NLGN4X: variants seen among roughly 807,000 people sequenced by gnomAD.
NLGN4X encodes neuroligin 4 X-linked, also known as neuroligin-4, X-linked.
In NLGN4X, 3 loss-of-function variants were observed where a neutral mutation model predicts 40.3. The ratio of observed to expected loss-of-function variants is 0.07; its 90% CI spans 0.03 to 0.19. NLGN4X has a LOEUF of 0.19. Ranked by LOEUF, NLGN4X falls within the 10% of genes least tolerant of loss-of-function variation. The pLI is 1.00. For synonymous variants in NLGN4X, 270 were observed against 306.8 expected, an observed-to-expected ratio of 0.88 and a Z score of 1.25; for missense variants, 382 against 708.3, an observed-to-expected ratio of 0.54 and a Z score of 5.23.
At chrX:6,076,602 A>G (rs2038203558) in intron 2 of NLGN4X, among the ~76,000 whole-genome samples, 2 of 112,126 alleles carry the variant, frequency 1.8e-5, no homozygotes, top group South Asian at 7.5e-4. Context: ...GCTGATCAAC[A>G]ATGGGATAAA....
intron 1 of NLGN4X, among the ~76,000 whole-genome samples, chrX:6,152,483 G>A (rs890371218): frequency 7.1e-5 from 8 of 112,068 alleles, no homozygotes; most frequent in Non-Finnish European, 1.1e-4. Context: ...TTCCTAAGGA[G>A]ACATGCATGG....
intron 2 of NLGN4X, among the ~76,000 whole-genome samples, chrX:6,039,159 G>T (rs953319655): frequency 9.0e-6 from 1 of 111,139 alleles, no homozygotes; most frequent in Admixed American, 9.6e-5. Flanking sequence ...TTTTTCAAAA[G>T]AAAAAATATA....
intron 2 of NLGN4X, among the ~76,000 whole-genome samples, chrX:6,067,112 C>CG (rs745577316): frequency 3.7e-5 from 4 of 109,314 alleles, no homozygotes; most frequent in African/African-American, 1.3e-4. Flanking sequence ...CAGTCCCCCC[C>CG]CCAAAACAAA....
At chrX:6,094,804 C>CT (rs771561812) in intron 2 of NLGN4X, among the ~76,000 whole-genome samples, 1 of 111,027 alleles carries the variant, frequency 9.0e-6, no homozygotes, top group Admixed American at 9.6e-5. Flanking sequence ...GGACTTGAGC[C>CT]ACAGAAATAC....
At chrX:5,901,047 C>T (rs1449213772) in intron 5 of NLGN4X, among the ~76,000 whole-genome samples, 3 of 112,327 alleles carry the variant, frequency 2.7e-5, no homozygotes, top group East Asian at 5.6e-4. Context: ...CCTCTCTTCT[C>T]CTCTGGGTAG....
intron 3 of NLGN4X, among the ~76,000 whole-genome samples, chrX:5,965,692 A>T (rs1288663331): frequency 8.9e-6 from 1 of 112,055 alleles, no homozygotes; most frequent in African/African-American, 3.2e-5. Context: ...TGTGATAGGC[A>T]TATTCTCATT....
chrX:6,116,560 T>C (rs1439174401), intron 2 of NLGN4X, among the ~76,000 whole-genome samples: 1 of 92,345 alleles, frequency 1.1e-5, no homozygotes, highest in Non-Finnish European at 2.2e-5. Context: ...TTCAAGTGAT[T>C]CTTCGGCCTC....
chrX:6,140,347 G>T (rs1041709478), intron 2 of NLGN4X, among the ~76,000 whole-genome samples: 5 of 110,205 alleles, frequency 4.5e-5, no homozygotes, highest in African/African-American at 9.9e-5. Flanking sequence ...AGAGGATATA[G>T]TTTAGGTGTT....
intron 2 of NLGN4X, among the ~76,000 whole-genome samples, chrX:6,108,392 T>A (rs758994494): frequency 8.9e-6 from 1 of 112,100 alleles, no homozygotes; most frequent in African/African-American, 3.2e-5. Context: ...CAAATAAAAA[T>A]GGTGGCTCAT....
chrX:5,986,457 G>A (rs1192320803), intron 3 of NLGN4X, among the ~76,000 whole-genome samples: 1 of 107,733 alleles, frequency 9.3e-6, no homozygotes, highest in Non-Finnish European at 1.9e-5. Flanking sequence ...AAAATATTAA[G>A]CTTTTTTCAG....
chrX:6,222,260 G>A (rs1300644551), intron 1 of NLGN4X, among the ~76,000 whole-genome samples: 1 of 111,085 alleles, frequency 9.0e-6, no homozygotes. Flanking sequence ...GCCCACAGAT[G>A]TTAATAAAAT....
intron 3 of NLGN4X, among the ~76,000 whole-genome samples, chrX:5,954,227 C>CTTAT (rs2034408872): frequency 9.2e-6 from 1 of 108,765 alleles, no homozygotes; most frequent in African/African-American, 3.4e-5. Context: ...ATACATAGTA[C>CTTAT]TTATTTATTT....
intron 1 of NLGN4X, among the ~76,000 whole-genome samples, chrX:6,182,143 A>G (rs1017688134): frequency 8.9e-6 from 1 of 111,844 alleles, no homozygotes; most frequent in Non-Finnish European, 1.9e-5. Context: ...GAGACACAGG[A>G]TATGTAGACA....
At chrX:6,104,645 T>G (rs2038994900) in intron 2 of NLGN4X, among the ~76,000 whole-genome samples, 1 of 110,893 alleles carries the variant, frequency 9.0e-6, no homozygotes, top group Non-Finnish European at 1.9e-5. Context: ...CATCTTCCCC[T>G]CAGACTATTT....
At chrX:5,982,094 C>T (rs759020905) in intron 3 of NLGN4X, among the ~76,000 whole-genome samples, 2 of 112,224 alleles carry the variant, frequency 1.8e-5, no homozygotes, top group African/African-American at 6.5e-5. Context: ...AGATCAAACA[C>T]TCTCAAAAAC....
At chrX:5,911,671 C>T (rs2032483199) in intron 3 of NLGN4X, among the ~76,000 whole-genome samples, 1 of 111,862 alleles carries the variant, frequency 8.9e-6, no homozygotes, top group South Asian at 3.8e-4. Flanking sequence ...AGGGGGAGTG[C>T]CTGTTTCAGG....
chrX:6,076,907 A>T (rs1045560022), intron 2 of NLGN4X, among the ~76,000 whole-genome samples: 16 of 112,181 alleles, frequency 1.4e-4, no homozygotes, highest in African/African-American at 5.2e-4. Context: ...TAGTGTGTTC[A>T]TTTCAAATGG....
At chrX:5,901,781 T>G (rs2031882424) in intron 5 of NLGN4X, among the ~76,000 whole-genome samples, 1 of 107,404 alleles carries the variant, frequency 9.3e-6, no homozygotes, top group African/African-American at 3.4e-5. Context: ...TATTTGTGTA[T>G]ATATATATTT....
chrX:5,948,508 G>T (rs1016922719), intron 3 of NLGN4X, among the ~76,000 whole-genome samples: 1 of 111,987 alleles, frequency 8.9e-6, no homozygotes, highest in Admixed American at 9.5e-5. Context: ...AATCCAGTTT[G>T]CTTGCAGTTG....
Sources: allele counts gnomAD v4.1 joint callset (sites outside exome capture counted in the v4.1 genomes callset), GRCh38; gene constraint gnomAD v4.1.1; transcripts MANE v1.5; gene names NCBI Gene and HGNC (gene_info 2026-07-23, HGNC 2026-07-21).